NRG2: variants seen among roughly 807,000 people sequenced by gnomAD.
NRG2 encodes the protein neuregulin 2.
A neutral mutation model predicts 73.9 loss-of-function variants in NRG2; 27 were observed. That is an observed-to-expected ratio of 0.37 (90% CI 0.27 to 0.50). The LOEUF (loss-of-function observed/expected upper bound fraction) is 0.50. Ranked by LOEUF, NRG2 falls within the 20% of genes least tolerant of loss-of-function variation. The pLI is 0.96. For synonymous variants in NRG2, 532 were observed against 541.0 expected, an observed-to-expected ratio of 0.98 and a Z score of 0.23; for missense variants, 1,126 against 1,210.1, an observed-to-expected ratio of 0.93 and a Z score of 1.03.
chr5:139,860,394 G>T (rs1460422322), intron 5 of NRG2, among the ~76,000 whole-genome samples: 2 of 151,320 alleles, frequency 1.3e-5, no homozygotes, highest in African/African-American at 4.9e-5. Flanking sequence ...TGTTCAGAGT[G>T]CAGGCATGAG....
chr5:140,043,114 C>T lies in NRG2; in HGVS notation c.-45G>A, dbSNP rs906115428. 3 of 1,563,082 alleles carry T rather than the reference C, an allele frequency of 1.9e-6. No homozygotes were observed. Among genetic ancestry groups the T allele is most frequent in the Non-Finnish European group, 2.6e-6 (3 of 1,162,758 alleles). On this transcript the variant is annotated 5_prime_UTR_variant, in exon 1 of 10. Coordinates refer to ENST00000361474, the MANE Select transcript of NRG2 (RefSeq NM_004883.3). The surrounding 1 kb of genome is among the most constrained non-coding windows in gnomAD (Gnocchi z 6.7). ...GGCTCCGCCGCTCAGCCGCCGCCGCCTTGGGAGGGGAAACAGAGCCCGCTG... is the reference window on the plus strand; with the variant it reads ...GGCTCCGCCGCTCAGCCGCCGCCGCTTTGGGAGGGGAAACAGAGCCCGCTG...
chr5:139,876,970 C>G (rs879401699), intron 3 of NRG2, among the ~76,000 whole-genome samples: 20 of 143,398 alleles, frequency 1.4e-4, no homozygotes, highest in Non-Finnish European at 1.6e-4. Context: ...TGTGTTTAAA[C>G]AGCCAGCTTT....
At chr5:139,994,373 T>G (rs568470280) in intron 1 of NRG2, among the ~76,000 whole-genome samples, 1 of 152,358 alleles carries the variant, frequency 6.6e-6, no homozygotes, top group African/African-American at 2.4e-5. Flanking sequence ...CAGCTTTGTA[T>G]TCCTCTAGAA....
chr5:140,018,706 C>T (rs1262149401), intron 1 of NRG2, among the ~76,000 whole-genome samples: 4 of 152,196 alleles, frequency 2.6e-5, no homozygotes, highest in Non-Finnish European at 4.4e-5. Context: ...AGGACGCAGA[C>T]GACCAACAGA....
chr5:140,042,923 G>C lies in NRG2; in HGVS notation c.147C>G (p.Ser49Arg), dbSNP rs1047949939. 2 of 1,540,368 alleles carry C rather than the reference G, an allele frequency of 1.3e-6. No homozygotes were observed. Among genetic ancestry groups the C allele is most frequent in the Non-Finnish European group, 1.7e-6 (2 of 1,145,180 alleles). The change falls in exon 1 of 10, where the codon AGC becomes AGG. Residue 49 changes from serine to arginine, a missense_variant. Physicochemically the swap from Ser to Arg is moderately radical, Grantham distance 110. Around this residue, in one of 3 missense-constraint regions of NRG2, gnomAD observed 185 missense variants for 149.0 expected, o/e 1.24. Transcript: ENST00000361474. ...GAGAGATGCTGCTGTTGTTGCTGCT[G>C]CTCCTGCTGCTGCTGCCGCTCTCGC... ...SSSESGSSSR[S>R]SSNNSSISRP... is the part of the protein sequence containing the mutation.
At chr5:139,922,338 A>C (rs1751736219) in intron 1 of NRG2, among the ~76,000 whole-genome samples, 1 of 152,246 alleles carries the variant, frequency 6.6e-6, no homozygotes, top group African/African-American at 2.4e-5. Context: ...GCAAATAAGC[A>C]TATGAGAAGA....
chr5:139,955,427 T>C (rs1381221076), intron 1 of NRG2, among the ~76,000 whole-genome samples: 1 of 151,968 alleles, frequency 6.6e-6, no homozygotes, highest in Non-Finnish European at 1.5e-5. Flanking sequence ...AAGAATGGAC[T>C]GTGGGGAGGA....
chr5:139,961,735 G>A (rs1168275561), intron 1 of NRG2, among the ~76,000 whole-genome samples: 1 of 152,196 alleles, frequency 6.6e-6, no homozygotes, highest in Non-Finnish European at 1.5e-5. Flanking sequence ...GCTGAGAGCT[G>A]GAGGTGAAAG....
chr5:139,943,030 G>A (rs1483056843), intron 1 of NRG2, among the ~76,000 whole-genome samples: 3 of 152,094 alleles, frequency 2.0e-5, no homozygotes, highest in Non-Finnish European at 4.4e-5. Context: ...TAGTAGAGAC[G>A]GGGCTTCACC....
At chr5:139,951,137 T>C (rs1754166330) in intron 1 of NRG2, among the ~76,000 whole-genome samples, 1 of 152,226 alleles carries the variant, frequency 6.6e-6, no homozygotes, top group South Asian at 2.1e-4. Context: ...ACCTCCCTAA[T>C]GTGGGCCAAG....
At chr5:139,939,948 C>T (rs1272695919) in intron 1 of NRG2, among the ~76,000 whole-genome samples, 2 of 152,130 alleles carry the variant, frequency 1.3e-5, no homozygotes, top group Non-Finnish European at 2.9e-5. Context: ...ACTAGAATGG[C>T]CAACATTAGA....
intron 5 of NRG2, among the ~76,000 whole-genome samples, chr5:139,857,362 G>A (rs1003344031): frequency 1.3e-5 from 2 of 152,132 alleles, no homozygotes; most frequent in African/African-American, 4.8e-5. Flanking sequence ...ACTGCTCCCT[G>A]AAGTATGATC....
intron 1 of NRG2, among the ~76,000 whole-genome samples, chr5:139,926,224 C>A (rs1752050081): frequency 6.6e-6 from 1 of 152,242 alleles, no homozygotes; most frequent in African/African-American, 2.4e-5. Context: ...TGTGGCTGCT[C>A]TGCCAGGGTC....
chr5:139,896,256 G>T (rs1031363075), intron 1 of NRG2, among the ~76,000 whole-genome samples: 1 of 152,190 alleles, frequency 6.6e-6, no homozygotes, highest in African/African-American at 2.4e-5. Flanking sequence ...GTGGAGAAAA[G>T]TGTTAAGTTC....
chr5:139,879,617 T>C (rs1035919410), intron 3 of NRG2, among the ~76,000 whole-genome samples: 2 of 152,086 alleles, frequency 1.3e-5, no homozygotes, highest in African/African-American at 2.4e-5. Context: ...TAGGCCAGGG[T>C]GTTGAGAACA....
chr5:140,040,050 A>T (rs1055371661), intron 1 of NRG2, among the ~76,000 whole-genome samples: 4 of 152,234 alleles, frequency 2.6e-5, no homozygotes, highest in African/African-American at 9.6e-5. Context: ...TGTTTTCTTT[A>T]ACCACATAGT....
At chr5:139,988,706 G>C (rs916072957) in intron 1 of NRG2, among the ~76,000 whole-genome samples, 1 of 151,932 alleles carries the variant, frequency 6.6e-6, no homozygotes, top group Admixed American at 6.6e-5. Flanking sequence ...ATACTATAGC[G>C]AATGTATGTC....
chr5:140,041,122 C>T (rs568162437), intron 1 of NRG2, among the ~76,000 whole-genome samples: 3 of 152,166 alleles, frequency 2.0e-5, no homozygotes, highest in Non-Finnish European at 4.4e-5. Flanking sequence ...TAAGCTGTTA[C>T]ACATATTTTG....
In NRG2 at chr5:139,852,386, G is replaced by A. The variant is rs1204584790; in HGVS notation, c.1544+46C>T. On this transcript the variant is annotated intron_variant, in intron 8 of 9. Transcript: ENST00000361474. The surrounding 1 kb of genome is among the most constrained non-coding windows in gnomAD (Gnocchi z 4.4). ...AGTAAGTGGGCACTTTGCGCCAGAT[G>A]AAGTATGTGAGTCTACAAGTTTCCA... 6.3e-7 allele frequency: 1 copy of A among 1,595,256 alleles called. No homozygotes were observed. The highest frequency in any genetic ancestry group is 1.3e-5 in the African/African-American group (1 of 74,270).
Sources: gnomAD v4.1 joint callset for allele counts (sites outside exome capture counted in the v4.1 genomes callset) on GRCh38, gnomAD v4.1.1 for gene constraint, gnomAD v4.1.1 regional missense constraint, Gnocchi (gnomAD v3.1) non-coding constraint, MANE v1.5 for transcripts, NCBI Gene and HGNC (gene_info 2026-07-23, HGNC 2026-07-21) for gene names.